PLXDC2: variants seen among roughly 807,000 people sequenced by gnomAD.
PLXDC2 encodes plexin domain containing 2, also known as plexin domain-containing protein 2.
Under a neutral mutation model 68.9 loss-of-function variants are expected in PLXDC2, and 40 were observed. That is an observed-to-expected ratio of 0.58 (90% CI 0.45 to 0.76). The LOEUF is 0.76. Among genes scored for constraint, PLXDC2 ranks in the 30% least tolerant of loss-of-function variants. The probability of loss-of-function intolerance (pLI) is 0.00; values close to 1 mark genes in which losing one functional copy is unlikely to be tolerated. For synonymous variants in PLXDC2, 243 were observed against 234.2 expected, an observed-to-expected ratio of 1.04 and a Z score of -0.34; for missense variants, 644 against 661.9, an observed-to-expected ratio of 0.97 and a Z score of 0.30.
intron 1 of PLXDC2, among the ~76,000 whole-genome samples, chr10:19,877,501 C>T (rs1333667406): frequency 6.6e-6 from 1 of 152,010 alleles, no homozygotes; most frequent in Non-Finnish European, 1.5e-5. Flanking sequence ...AAGTTTTTGC[C>T]CATTATGAGT....
At chr10:20,150,784 C>T (rs1346877071) in intron 6 of PLXDC2, among the ~76,000 whole-genome samples, 2 of 152,124 alleles carry the variant, frequency 1.3e-5, no homozygotes, top group Admixed American at 6.5e-5. Flanking sequence ...TCTTTCTTTA[C>T]GCTGTTCTCA....
intron 1 of PLXDC2, among the ~76,000 whole-genome samples, chr10:19,951,043 C>A (rs1481973076): frequency 6.6e-6 from 1 of 152,066 alleles, no homozygotes. Context: ...CTGTAAGAAT[C>A]CTAGAAGAAA....
At chr10:19,943,224 G>C (rs1055921445) in intron 1 of PLXDC2, among the ~76,000 whole-genome samples, 1 of 150,536 alleles carries the variant, frequency 6.6e-6, no homozygotes, top group Non-Finnish European at 1.5e-5. Context: ...AACTTTTGCT[G>C]TTTGCTGATT....
chr10:20,043,953 T>C (rs1430070231), intron 2 of PLXDC2, among the ~76,000 whole-genome samples: 1 of 152,102 alleles, frequency 6.6e-6, no homozygotes, highest in Non-Finnish European at 1.5e-5. Context: ...AGACCTGTTT[T>C]TTCAGTTATG....
chr10:20,269,364 A>T (rs1835907868), intron 13 of PLXDC2, among the ~76,000 whole-genome samples: 1 of 152,122 alleles, frequency 6.6e-6, no homozygotes, highest in Non-Finnish European at 1.5e-5. Context: ...AACATCAAAG[A>T]TATGATCAAT....
chr10:20,276,478 C>T (rs1388865807), intron 13 of PLXDC2, among the ~76,000 whole-genome samples: 2 of 152,090 alleles, frequency 1.3e-5, no homozygotes, highest in Admixed American at 1.3e-4. Context: ...ATTATTGCTG[C>T]GAGCATTTTC....
At chr10:20,232,137 A>G (rs1835373484) in intron 12 of PLXDC2, among the ~76,000 whole-genome samples, 1 of 152,212 alleles carries the variant, frequency 6.6e-6, no homozygotes. Flanking sequence ...AATATAAATA[A>G]CTCCTATAAA....
chr10:20,122,492 T>G (rs1833712313), intron 4 of PLXDC2, among the ~76,000 whole-genome samples: 1 of 152,304 alleles, frequency 6.6e-6, no homozygotes, highest in South Asian at 2.1e-4. Context: ...CCAGGGGCTC[T>G]GGGAGTGGCT....
intron 4 of PLXDC2, among the ~76,000 whole-genome samples, chr10:20,124,256 T>C (rs2131765725): frequency 6.6e-6 from 1 of 152,102 alleles, no homozygotes; most frequent in South Asian, 2.1e-4. Flanking sequence ...ATAAAACGTG[T>C]CTCCTTTGTC....
chr10:19,921,896 G>A (rs1445393169), intron 1 of PLXDC2, among the ~76,000 whole-genome samples: 2 of 151,884 alleles, frequency 1.3e-5, no homozygotes, highest in East Asian at 3.9e-4. Flanking sequence ...GTCTCACTCT[G>A]TCTCAGTCTG....
chr10:20,107,473 A>G (rs1033969640), intron 4 of PLXDC2, among the ~76,000 whole-genome samples: 1 of 152,198 alleles, frequency 6.6e-6, no homozygotes, highest in East Asian at 1.9e-4. Flanking sequence ...TTAAAAATTA[A>G]AGGCAGAAAA....
intron 2 of PLXDC2, among the ~76,000 whole-genome samples, chr10:20,023,315 T>C (rs1476506102): frequency 6.6e-6 from 1 of 152,058 alleles, no homozygotes; most frequent in South Asian, 2.1e-4. Context: ...AAATTCTTTA[T>C]TGTAGATCTA....
chr10:20,117,888 A>C (rs1458583794), intron 4 of PLXDC2, among the ~76,000 whole-genome samples: 1 of 152,198 alleles, frequency 6.6e-6, no homozygotes, highest in Non-Finnish European at 1.5e-5. Flanking sequence ...AAAATGAAAA[A>C]GACCACGGCT....
chr10:20,007,797 C>G (rs186646399), intron 2 of PLXDC2, among the ~76,000 whole-genome samples: 94 of 152,294 alleles, frequency 6.2e-4, no homozygotes, highest in Admixed American at 4.7e-3. Context: ...CTTTGGGTTG[C>G]AAGGATTTAG....
intron 12 of PLXDC2, among the ~76,000 whole-genome samples, chr10:20,229,517 CAAA>C (rs58386547): frequency 6.3e-4 from 66 of 105,592 alleles, no homozygotes; most frequent in Admixed American, 6.7e-4. Context: ...CCACTTTAAG[CAAA>C]AAAAAAAAAA....
intron 1 of PLXDC2, among the ~76,000 whole-genome samples, chr10:20,000,873 T>G (rs991447790): frequency 3.3e-5 from 5 of 152,200 alleles, no homozygotes; most frequent in African/African-American, 1.2e-4. Flanking sequence ...TTACTAATAG[T>G]TGGGTAGAAG....
intron 4 of PLXDC2, among the ~76,000 whole-genome samples, chr10:20,115,463 G>A (rs957181347): frequency 2.6e-5 from 4 of 152,092 alleles, no homozygotes; most frequent in African/African-American, 9.7e-5. Flanking sequence ...TCAATAATGT[G>A]TAAATAGTCC....
chr10:19,884,504 T>G (rs372885749), intron 1 of PLXDC2, among the ~76,000 whole-genome samples: 15 of 67,928 alleles, frequency 2.2e-4, no homozygotes, highest in Admixed American at 1.1e-3. Context: ...CCCTCCCCCC[T>G]CCCCCTACCC....
At chr10:19,841,547 T>G (rs948427521) in intron 1 of PLXDC2, among the ~76,000 whole-genome samples, 1 of 151,596 alleles carries the variant, frequency 6.6e-6, no homozygotes, top group African/African-American at 2.4e-5. Flanking sequence ...GTTTTTTTTT[T>G]TTTTTTTTTA....
Sources: gnomAD v4.1 joint callset for allele counts (sites outside exome capture counted in the v4.1 genomes callset) on GRCh38, gnomAD v4.1.1 for gene constraint, MANE v1.5 for transcripts, NCBI Gene and HGNC (gene_info 2026-07-23, HGNC 2026-07-21) for gene names.